Variants in ARHGAP24 observed in about 807,000 individuals in gnomAD.
The protein encoded by ARHGAP24 is Rho GTPase activating protein 24.
A neutral mutation model predicts 76.4 loss-of-function variants in ARHGAP24; 50 were observed. The observed-to-expected ratio is 0.65, with a 90% confidence interval of 0.52 to 0.83. The LOEUF is 0.83. Among genes scored for constraint, ARHGAP24 ranks in the 40% least tolerant of loss-of-function variants. The pLI is 0.00. For synonymous variants in ARHGAP24, 345 were observed against 323.3 expected (o/e 1.07, Z -0.72); for missense variants, 930 against 914.2 (o/e 1.02, Z -0.22).
chr4:85,495,915 A>T (rs1356381620), intron 1 of ARHGAP24, among the ~76,000 whole-genome samples: 1 of 152,214 alleles, frequency 6.6e-6, no homozygotes, highest in East Asian at 1.9e-4. Flanking sequence ...CTTTTATAGT[A>T]TCACATATTT....
chr4:85,599,300 C>T (rs1719954282), intron 2 of ARHGAP24, among the ~76,000 whole-genome samples: 1 of 152,130 alleles, frequency 6.6e-6, no homozygotes, highest in Non-Finnish European at 1.5e-5. Flanking sequence ...AGGTATTGAG[C>T]AGCCTGTCTA....
chr4:85,728,087 A>G (rs1297226713), intron 3 of ARHGAP24, among the ~76,000 whole-genome samples: 1 of 152,146 alleles, frequency 6.6e-6, no homozygotes, highest in African/African-American at 2.4e-5. Context: ...ATACCCTCAG[A>G]CAATTACATG....
intron 2 of ARHGAP24, among the ~76,000 whole-genome samples, chr4:85,647,245 T>C (rs945630379): frequency 6.6e-6 from 1 of 152,142 alleles, no homozygotes; most frequent in African/African-American, 2.4e-5. Flanking sequence ...GTAGTCATAG[T>C]TGTATTTTAT....
intron 3 of ARHGAP24, among the ~76,000 whole-genome samples, chr4:85,844,582 G>C (rs1730771473): frequency 6.6e-6 from 1 of 152,124 alleles, no homozygotes; most frequent in Admixed American, 6.6e-5. Flanking sequence ...CTTAAAAAAT[G>C]ATCGAGATTT....
At chr4:85,488,026 C>T (rs1053834945) in intron 1 of ARHGAP24, among the ~76,000 whole-genome samples, 2 of 149,986 alleles carry the variant, frequency 1.3e-5, no homozygotes, top group Admixed American at 6.8e-5. Flanking sequence ...CTGCCTCATC[C>T]TCCTGAGTAG....
intron 2 of ARHGAP24, among the ~76,000 whole-genome samples, chr4:85,667,378 C>G (rs1187773248): frequency 6.6e-6 from 1 of 152,110 alleles, no homozygotes; most frequent in African/African-American, 2.4e-5. Context: ...TGGGAGTGAC[C>G]CGATTTTCCA....
intron 1 of ARHGAP24, among the ~76,000 whole-genome samples, chr4:85,526,737 C>T (rs1439499700): frequency 6.6e-6 from 1 of 152,078 alleles, no homozygotes; most frequent in Admixed American, 6.6e-5. Context: ...GCAAATACAA[C>T]TTCAATTATT....
chr4:85,977,723 AAAG>A (rs750495801), intron 8 of ARHGAP24, 32 bp downstream of exon 8: 10 of 1,609,720 alleles, frequency 6.2e-6, no homozygotes, highest in African/African-American at 4.0e-5. Flanking sequence ...ACCCTTATCA[AAAG>A]AAGAAGTAAT....
intron 8 of ARHGAP24, chr4:85,991,879 G>A (rs543665892): frequency 2.2e-4 from 76 of 346,606 alleles, no homozygotes; most frequent in African/African-American, 1.5e-3. Flanking sequence ...AAACTATATT[G>A]CACAGAATGC....
chr4:85,576,348 C>T (rs1215803318), intron 2 of ARHGAP24, among the ~76,000 whole-genome samples: 3 of 151,558 alleles, frequency 2.0e-5, no homozygotes, highest in Non-Finnish European at 4.4e-5. Flanking sequence ...GAAAATGGCG[C>T]GAACCCGGGA....
At chr4:85,578,293 G>A (rs1727469360) in intron 2 of ARHGAP24, among the ~76,000 whole-genome samples, 1 of 152,158 alleles carries the variant, frequency 6.6e-6, no homozygotes, top group Non-Finnish European at 1.5e-5. Flanking sequence ...AGGAATTACA[G>A]GAATGCTCCT....
intron 2 of ARHGAP24, among the ~76,000 whole-genome samples, chr4:85,647,760 A>G (rs1721777233): frequency 6.6e-6 from 1 of 152,114 alleles, no homozygotes; most frequent in South Asian, 2.1e-4. Flanking sequence ...CTAGAACATC[A>G]TCTTCTTAGT....
chr4:85,917,362 G>T (rs62305507), intron 3 of ARHGAP24, among the ~76,000 whole-genome samples: 2 of 151,618 alleles, frequency 1.3e-5, no homozygotes, highest in Non-Finnish European at 1.5e-5. Context: ...GAATAGTGCC[G>T]CAATAAACAT....
chr4:85,823,894 T>C (rs1729590019), intron 3 of ARHGAP24, among the ~76,000 whole-genome samples: 1 of 151,210 alleles, frequency 6.6e-6, no homozygotes. Flanking sequence ...TCTTTCTTCT[T>C]TTTCTTTTTC....
intron 2 of ARHGAP24, among the ~76,000 whole-genome samples, chr4:85,594,829 A>G (rs1372293478): frequency 6.6e-6 from 1 of 152,130 alleles, no homozygotes; most frequent in African/African-American, 2.4e-5. Flanking sequence ...TTTAAAATTT[A>G]TCTAACTACG....
chr4:85,639,685 A>T (rs1721451100), intron 2 of ARHGAP24, among the ~76,000 whole-genome samples: 1 of 131,048 alleles, frequency 7.6e-6, no homozygotes. Context: ...GTGTCTATTT[A>T]TTGGAGGGAA....
In ARHGAP24 at chr4:85,942,251, G is replaced by C; in HGVS notation, c.577G>C (p.Gly193Arg). ...VKELQDAFDCGEKPSFDSNTD... is the reference protein window; with the variant it reads ...VKELQDAFDCREKPSFDSNTD... ...GGAGCTCCAAGATGCCTTTGACTGT[G>C]GGGAGAAGCCATCATTTGACAGGTA... The change falls in exon 5 of 10, where the codon GGG becomes CGG. Residue 193 changes from glycine to arginine, a missense_variant. Transcript: ENST00000395184. 6.2e-7 allele frequency: 1 copy of C among 1,614,012 alleles called. No individual in the cohort carries two copies. Among genetic ancestry groups the C allele is most frequent in the Non-Finnish European group, 8.5e-7 (1 of 1,179,986 alleles).
intron 3 of ARHGAP24, among the ~76,000 whole-genome samples, chr4:85,829,906 T>A (rs1203689406): frequency 6.6e-6 from 1 of 152,192 alleles, no homozygotes; most frequent in East Asian, 1.9e-4. Flanking sequence ...CCTTTAATAG[T>A]GTCTGTGTTT....
At chr4:85,813,172 T>C (rs753448643) in intron 3 of ARHGAP24, among the ~76,000 whole-genome samples, 14 of 152,196 alleles carry the variant, frequency 9.2e-5, no homozygotes, top group Non-Finnish European at 1.8e-4. Context: ...AATAGTCTTA[T>C]TCTTTATGAA....
Sources: allele counts gnomAD v4.1 joint callset (sites outside exome capture counted in the v4.1 genomes callset), GRCh38; gene constraint gnomAD v4.1.1; transcripts MANE v1.5; gene names NCBI Gene and HGNC (gene_info 2026-07-23, HGNC 2026-07-21).